Variants in TRPC4 observed in about 807,000 individuals in gnomAD.
The protein encoded by TRPC4 is transient receptor potential cation channel subfamily C member 4, also known as short transient receptor potential channel 4.
A neutral mutation model predicts 99.4 loss-of-function variants in TRPC4; 49 were observed. The ratio of observed to expected loss-of-function variants is 0.49; its 90% CI spans 0.39 to 0.63. The LOEUF is 0.63. Ranked by LOEUF, TRPC4 falls within the 20% of genes least tolerant of loss-of-function variation. The pLI is 0.00. For synonymous variants in TRPC4, 454 were observed against 425.9 expected, an observed-to-expected ratio of 1.07 and a Z score of -0.81; for missense variants, 898 against 1,152.9, an observed-to-expected ratio of 0.78 and a Z score of 3.20.
intron 1 of TRPC4, among the ~76,000 whole-genome samples, chr13:37,839,629 CA>C (rs1272480978): frequency 6.6e-6 from 1 of 152,096 alleles, no homozygotes; most frequent in Non-Finnish European, 1.5e-5. Context: ...ACTGCACTGT[CA>C]GATAGATATT....
chr13:37,746,547 G>A (rs1955789062), intron 2 of TRPC4, 92 bp from the exon 3 acceptor site: 1 of 1,374,982 alleles, frequency 7.3e-7, no homozygotes, highest in Admixed American at 2.5e-5. Context: ...ATGGAACAGG[G>A]TTTATATGTC....
chr13:37,655,956 A>G (rs1369127708), intron 6 of TRPC4, among the ~76,000 whole-genome samples: 1 of 152,152 alleles, frequency 6.6e-6, no homozygotes, highest in Admixed American at 6.6e-5. Flanking sequence ...AGAACATTAT[A>G]ATTACTACAG....
chr13:37,823,995 G>C (rs191278059), intron 1 of TRPC4, among the ~76,000 whole-genome samples: 1 of 137,236 alleles, frequency 7.3e-6, no homozygotes, highest in South Asian at 2.4e-4. Context: ...CACATCGTTT[G>C]TAAGTTGGAT....
chr13:37,633,056 T>C lies in TRPC4; in HGVS notation c.*3847A>G, dbSNP rs1378327987. 2.0e-5 allele frequency among the ~76,000 whole-genome samples: 3 copies of C among 152,168 alleles called. No homozygotes were observed. Among genetic ancestry groups the C allele is most frequent in the Admixed American group, 2.0e-4 (3 of 15,262 alleles). On this transcript the variant is annotated 3_prime_UTR_variant, in exon 11 of 11. Coordinates refer to ENST00000379705, the MANE Select transcript of TRPC4 (RefSeq NM_016179.4). ...ATTTAGATAATTTCCATAAATTCCC[T>C]GGGCTTTACTTTCCCCAGTTATCTA... is the stretch of plus-strand genomic sequence containing the variant.
rs891092513 is a variant in TRPC4, at chr13:37,636,388, C to A, written c.*515G>T. ...GAAGAAGACTTGTTTGCTTTGTGTA[C>A]AATAATTATTTACATGTCGTTAAGA... On this transcript the variant is annotated 3_prime_UTR_variant, in exon 11 of 11. Coordinates refer to ENST00000379705, the MANE Select transcript of TRPC4 (RefSeq NM_016179.4). Among the ~76,000 whole-genome samples, 1 of 151,976 alleles carries A rather than the reference C, an allele frequency of 6.6e-6. No homozygotes were observed. Among genetic ancestry groups the A allele is most frequent in the African/African-American group, 2.4e-5 (1 of 41,380 alleles).
chr13:37,827,210 T>C (rs1402544057), intron 1 of TRPC4, among the ~76,000 whole-genome samples: 1 of 152,144 alleles, frequency 6.6e-6, no homozygotes. Flanking sequence ...TCTTTGACTT[T>C]GGTTTCAATG....
intron 4 of TRPC4, among the ~76,000 whole-genome samples, chr13:37,688,303 GT>G (rs1449358666): frequency 6.6e-6 from 1 of 152,154 alleles, no homozygotes; most frequent in Non-Finnish European, 1.5e-5. Flanking sequence ...AGTCAACAAT[GT>G]TGAACTTCAA....
intron 1 of TRPC4, among the ~76,000 whole-genome samples, chr13:37,865,204 AT>A (rs1959657979): frequency 6.6e-6 from 1 of 151,688 alleles, no homozygotes; most frequent in Non-Finnish European, 1.5e-5. Context: ...CATTAAAATA[AT>A]TGGAAAATTA....
At chr13:37,801,549 G>T (rs1957401147) in intron 1 of TRPC4, among the ~76,000 whole-genome samples, 1 of 152,118 alleles carries the variant, frequency 6.6e-6, no homozygotes, top group Non-Finnish European at 1.5e-5. Flanking sequence ...TCACATAACT[G>T]AATATGATGA....
At chr13:37,831,099 T>A (rs892488343) in intron 1 of TRPC4, among the ~76,000 whole-genome samples, 14 of 152,204 alleles carry the variant, frequency 9.2e-5, no homozygotes, top group African/African-American at 2.4e-4. Flanking sequence ...CAGAAGAATT[T>A]TTTTTTCACA....
At chr13:37,787,047 T>A (rs1049336781) in intron 1 of TRPC4, among the ~76,000 whole-genome samples, 4 of 151,926 alleles carry the variant, frequency 2.6e-5, no homozygotes, top group Admixed American at 6.6e-5. Flanking sequence ...TTTTAGATAT[T>A]TATATGTATC....
At chr13:37,800,706 C>G (rs1957378033) in intron 1 of TRPC4, among the ~76,000 whole-genome samples, 1 of 151,650 alleles carries the variant, frequency 6.6e-6, no homozygotes, top group Admixed American at 6.6e-5. Flanking sequence ...TACCAATCAC[C>G]AATCATATGA....
intron 2 of TRPC4, among the ~76,000 whole-genome samples, chr13:37,778,413 A>G (rs1317251423): frequency 3.9e-5 from 6 of 152,040 alleles, no homozygotes; most frequent in Admixed American, 3.9e-4. Context: ...AACTCAGTGA[A>G]TATCATCTAG....
intron 3 of TRPC4, among the ~76,000 whole-genome samples, chr13:37,701,938 C>T (rs1566107448): frequency 6.6e-6 from 1 of 152,092 alleles, no homozygotes; most frequent in Non-Finnish European, 1.5e-5. Context: ...AATTAGGTGG[C>T]TTAAAACAAC....
intron 2 of TRPC4, among the ~76,000 whole-genome samples, chr13:37,772,188 C>A (rs1956568898): frequency 6.6e-6 from 1 of 151,734 alleles, no homozygotes; most frequent in Non-Finnish European, 1.5e-5. Flanking sequence ...CTCTCTCACA[C>A]ACACAGTTAG....
intron 1 of TRPC4, among the ~76,000 whole-genome samples, chr13:37,799,006 A>C (rs1957325349): frequency 6.7e-6 from 1 of 149,796 alleles, no homozygotes; most frequent in South Asian, 2.1e-4. Context: ...ATCTCCGCTC[A>C]CTGCAACCTC....
At chr13:37,677,633 T>C (rs910636046) in intron 4 of TRPC4, among the ~76,000 whole-genome samples, 2 of 152,096 alleles carry the variant, frequency 1.3e-5, no homozygotes, top group Admixed American at 6.6e-5. Context: ...TGCTTGCAGT[T>C]AACAAAAGAA....
In TRPC4 at chr13:37,637,364, C is replaced by T; in HGVS notation, c.2473G>A (p.Val825Ile). The T allele has an allele frequency of 1.9e-6, 3 of 1,613,680 alleles. No homozygotes were observed. The highest frequency in any genetic ancestry group is 4.5e-5 in the East Asian group (2 of 44,872). The change falls in exon 11 of 11, where the codon GTT becomes ATT. Residue 825 changes from valine to isoleucine, a missense_variant. Transcript: ENST00000379705. The part of the protein sequence containing the change: ...HNISNGSALV[V>I]QEPPREKQRK... Reference sequence around the variant, plus strand: ...TGCTTCTCCCTGGGCGGCTCCTGAACCACCAGGGCAGAGCCATTGCTTATG... The same window carrying T: ...TGCTTCTCCCTGGGCGGCTCCTGAATCACCAGGGCAGAGCCATTGCTTATG...
intron 2 of TRPC4, among the ~76,000 whole-genome samples, chr13:37,754,479 C>T (rs569886656): frequency 9.2e-5 from 14 of 152,206 alleles, no homozygotes; most frequent in Admixed American, 3.3e-4. Context: ...GACATAAAGG[C>T]ATTACACCCA....
Sources: gnomAD v4.1 joint callset for allele counts (sites outside exome capture counted in the v4.1 genomes callset) on GRCh38, gnomAD v4.1.1 for gene constraint, MANE v1.5 for transcripts, NCBI Gene and HGNC (gene_info 2026-07-23, HGNC 2026-07-21) for gene names.